Variants in BPTF observed in about 807,000 individuals in gnomAD.
The protein encoded by BPTF is nucleosome-remodeling factor subunit BPTF.
In BPTF, 18 loss-of-function variants were observed where a neutral mutation model predicts 292.5. The observed-to-expected ratio is 0.06, with a 90% CI of 0.04 to 0.09. The LOEUF (loss-of-function observed/expected upper bound fraction) is 0.09, where lower values mean the gene tolerates loss of function less well. Ranked by LOEUF, BPTF falls within the 10% of genes least tolerant of loss-of-function variation. BPTF has a pLI of 1.00. For missense variants in BPTF, 2,726 were observed against 3,498.7 expected, an observed-to-expected ratio of 0.78 and a Z score of 5.57; for synonymous variants, 1,225 against 1,251.9, an observed-to-expected ratio of 0.98 and a Z score of 0.45.
intron 1 of BPTF, among the ~76,000 whole-genome samples, chr17:67,847,015 G>A (rs546692344): frequency 3.9e-4 from 59 of 152,038 alleles, no homozygotes; most frequent in Non-Finnish European, 7.9e-4. Flanking sequence ...TTGTGGGTTT[G>A]TTGTTGTTTT....
At chr17:67,839,106 A>G (rs574724786) in intron 1 of BPTF, among the ~76,000 whole-genome samples, 5 of 151,998 alleles carry the variant, frequency 3.3e-5, no homozygotes, top group Non-Finnish European at 5.9e-5. Flanking sequence ...ATTGCCCTCT[A>G]CCATTGATGG....
rs2062750355 is a variant in BPTF, at chr17:67,912,983, G to T, written c.5099G>T (p.Arg1700Leu). ...AAATTTTCAAGACCAAAGAAGACTC[G>T]TTCAGGTACAGCTCTGCCATCCTAT... ...LMKFSRPKKT[R>L]SGTALPSYRK... is the part of the protein sequence containing the mutation. The change falls in exon 11 of 28, where the codon CGT becomes CTT. Residue 1700 changes from arginine to leucine, a missense_variant. Transcript: ENST00000306378. The T allele has an allele frequency of 1.2e-6, 2 of 1,614,030 alleles. No individual in the cohort carries two copies. Among genetic ancestry groups the T allele is most frequent in the Non-Finnish European group, 1.7e-6 (2 of 1,180,018 alleles).
Position 67,894,143 on chromosome 17 carries a change from C to G in BPTF, c.2521C>G (p.Arg841Gly). 6.2e-7 allele frequency: 1 copy of G among 1,613,970 alleles called. No individual in the cohort carries two copies. The highest frequency in any genetic ancestry group is 8.5e-7 in the Non-Finnish European group (1 of 1,179,922). ...VKPVVMLPIW[R>G]ESLGHTRLHR... is the part of the protein sequence containing the mutation. The stretch of plus-strand genomic sequence containing the variant: ...ACCAGTTGTGATGCTACCAATATGG[C>G]GAGAATCTTTAGGACATACCAGGTA... Residue 841 changes from arginine (R) to glycine (G), a missense_variant, in exon 7 of 28, where the codon CGA (arginine) becomes GGA (glycine). By Grantham distance (125) the Arg-to-Gly change is moderately radical. Coordinates refer to ENST00000306378, the MANE Select transcript of BPTF (RefSeq NM_182641.4).
At chr17:67,886,496 T>A (rs893761434) in intron 4 of BPTF, among the ~76,000 whole-genome samples, 1 of 152,036 alleles carries the variant, frequency 6.6e-6, no homozygotes, top group Non-Finnish European at 1.5e-5. Flanking sequence ...ATTTTTTTTT[T>A]AAACACAGCA....
chr17:67,841,383 T>A (rs1221051468), intron 1 of BPTF, among the ~76,000 whole-genome samples: 2 of 152,102 alleles, frequency 1.3e-5, no homozygotes, highest in Non-Finnish European at 2.9e-5. Flanking sequence ...CACTCCAGCC[T>A]AGGCAACAAG....
At chr17:67,964,585 C>G (rs139265808) in intron 25 of BPTF, among the ~76,000 whole-genome samples, 181 bp downstream of exon 25, 2 of 152,192 alleles carry the variant, frequency 1.3e-5, no homozygotes, top group African/African-American at 4.8e-5. Context: ...TACCATATCC[C>G]CACACCACGT....
At chr17:67,910,666 G>A (rs1374791748) in intron 10 of BPTF, among the ~76,000 whole-genome samples, 2 of 152,024 alleles carry the variant, frequency 1.3e-5, no homozygotes, top group African/African-American at 4.8e-5. Flanking sequence ...CAGGCATGGT[G>A]GCACATGCCT....
intron 13 of BPTF, among the ~76,000 whole-genome samples, chr17:67,920,499 A>G (rs529767108): frequency 1.5e-3 from 224 of 152,332 alleles, no homozygotes; most frequent in Non-Finnish European, 2.6e-3. Context: ...AAGTGGGTCA[A>G]TAAAGGTTTC....
At chr17:67,932,730 A>C (rs2064511593) in intron 18 of BPTF, among the ~76,000 whole-genome samples, 1 of 152,106 alleles carries the variant, frequency 6.6e-6, no homozygotes, top group African/African-American at 2.4e-5. Flanking sequence ...AAAATGTTAA[A>C]GATTTTTTTT....
intron 1 of BPTF, among the ~76,000 whole-genome samples, chr17:67,844,414 A>G (rs948067173): frequency 8.0e-5 from 12 of 150,586 alleles, no homozygotes; most frequent in African/African-American, 2.9e-4. Context: ...CGCCTGGCTA[A>G]TTTTTTGTAT....
chr17:67,879,905 C>T (rs958073604), intron 4 of BPTF, among the ~76,000 whole-genome samples: 1 of 152,190 alleles, frequency 6.6e-6, no homozygotes, highest in Non-Finnish European at 1.5e-5. Flanking sequence ...ATCCAAACAC[C>T]TCCCATTAGG....
Position 67,912,178 on chromosome 17 carries a change from G to C in BPTF, c.4294G>C (p.Val1432Leu). The change falls in exon 11 of 28, where the codon GTA (valine) becomes CTA (leucine). Residue 1432 changes from valine (V) to leucine (L), a missense_variant. Val to Leu is a conservative substitution (Grantham distance 32). This residue lies in a region of BPTF where 713 missense variants were observed against 714.9 expected (regional missense o/e 1.00). Coordinates refer to ENST00000306378, the MANE Select transcript of BPTF (RefSeq NM_182641.4). Reference protein sequence around the residue: ...CLKEISESRVVSGNVEPKVNN... With the variant: ...CLKEISESRVLSGNVEPKVNN... ...GAAAGAAATTTCTGAGAGTAGAGTA[G>C]TAAGTGGTAATGTTGAACCAAAGGT... 6.2e-7 allele frequency: 1 copy of C among 1,611,734 alleles called. No homozygotes were observed. Among genetic ancestry groups the C allele is most frequent in the East Asian group, 2.2e-5 (1 of 44,868 alleles).
In BPTF at chr17:67,975,693, A is replaced by G. The variant is rs997804157; in HGVS notation, c.8540-79A>G. The G allele has an allele frequency of 9.9e-6, 13 of 1,315,906 alleles. No individual in the cohort carries two copies. The Admixed American group carries it at 2.6e-4, about 26-fold the overall frequency. The allele number at this position is 1,315,906 out of a possible 1,614,324, so 81.5% of individuals were successfully genotyped here. A position where few individuals can be genotyped will look rare whatever the true frequency, so the allele number is the denominator to read the frequency against. On this transcript the variant is annotated intron_variant, in intron 26 of 27. Transcript: ENST00000306378. Reference sequence around the variant, plus strand: ...GACTGCTTGCACAGTAAACATATATACTTGTTAGAACTTCGGAGAATATTC... The same window carrying G: ...GACTGCTTGCACAGTAAACATATATGCTTGTTAGAACTTCGGAGAATATTC...
chr17:67,848,041 C>T (rs1270583581), intron 1 of BPTF, among the ~76,000 whole-genome samples: 1 of 152,122 alleles, frequency 6.6e-6, no homozygotes, highest in East Asian at 1.9e-4. Flanking sequence ...ATACCAATAC[C>T]GAGTGAGGCC....
chr17:67,925,907 A>G (rs545380952), intron 15 of BPTF, among the ~76,000 whole-genome samples: 6 of 151,892 alleles, frequency 4.0e-5, no homozygotes, highest in Non-Finnish European at 5.9e-5. Context: ...ACTAAACCCA[A>G]ATATCTATAA....
At chr17:67,869,736 C>T (rs1443137370) in intron 3 of BPTF, among the ~76,000 whole-genome samples, 1 of 149,800 alleles carries the variant, frequency 6.7e-6, no homozygotes, top group East Asian at 2.0e-4. Flanking sequence ...GTAATCCCAG[C>T]ATTTTGGGAG....
Position 67,853,973 on chromosome 17 carries a change from C to T in BPTF, c.647C>T (p.Ser216Phe). ...AAACCAAGAGTACATCGGCCTCGTT[C>T]TCCTATATTGGAAGAAAAAGACATC... ...RRKPRVHRPR[S>F]PILEEKDIPP... Residue 216 changes from serine (S) to phenylalanine (F), a missense_variant, in exon 2 of 28, where the codon TCT becomes TTT. Ser to Phe is a radical substitution (Grantham distance 155). This residue lies in a region of BPTF where 153 missense variants were observed against 178.3 expected (regional missense o/e 0.86). Transcript: ENST00000306378. The T allele has an allele frequency of 6.2e-7, 1 of 1,613,412 alleles. No individual in the cohort carries two copies. The highest frequency in any genetic ancestry group is 1.7e-4 in the Middle Eastern group (1 of 6,060).
chr17:67,853,583 C>T (rs1209161576), intron 1 of BPTF, among the ~76,000 whole-genome samples: 1 of 151,228 alleles, frequency 6.6e-6, no homozygotes, highest in Non-Finnish European at 1.5e-5. Flanking sequence ...AAATCATTCA[C>T]AAATGCAGTT....
At chr17:67,930,200 C>T (rs1409722499) in intron 17 of BPTF, among the ~76,000 whole-genome samples, 1 of 151,600 alleles carries the variant, frequency 6.6e-6, no homozygotes, top group Non-Finnish European at 1.5e-5. Context: ...ATATTAGATA[C>T]ATCATTTCTT....
Sources: allele counts gnomAD v4.1 joint callset (sites outside exome capture counted in the v4.1 genomes callset), GRCh38; gene constraint gnomAD v4.1.1; regional missense constraint gnomAD v4.1.1; transcripts MANE v1.5; gene names NCBI Gene and HGNC (gene_info 2026-07-23, HGNC 2026-07-21).